The following SPPL3 variants were observed in gnomAD, a reference collection of about 807,000 sequenced individuals.
SPPL3 encodes the protein signal peptide peptidase-like 3.
In SPPL3, 5 loss-of-function variants were observed where a neutral mutation model predicts 42.4. That is an observed-to-expected ratio of 0.12 (90% CI 0.06 to 0.25). The LOEUF is 0.25. Ranked by LOEUF, SPPL3 falls within the 10% of genes least tolerant of loss-of-function variation. The probability of loss-of-function intolerance (pLI) is 1.00; values close to 1 mark genes in which losing one functional copy is unlikely to be tolerated. For synonymous variants in SPPL3, 195 were observed against 181.8 expected, an observed-to-expected ratio of 1.07 and a Z score of -0.58; for missense variants, 235 against 489.0, an observed-to-expected ratio of 0.48 and a Z score of 4.90.
intron 2 of SPPL3, among the ~76,000 whole-genome samples, chr12:120,792,182 A>G (rs1869939128): frequency 6.6e-6 from 1 of 152,182 alleles, no homozygotes; most frequent in South Asian, 2.1e-4. Flanking sequence ...AGGGTTTGAA[A>G]TTTTAGACAG....
Position 120,901,797 on chromosome 12 carries a change from T to C in SPPL3, c.23+2048A>G, listed in dbSNP as rs1004319164. 6 of 699,574 alleles carry C rather than the reference T, an allele frequency of 8.6e-6. No homozygotes were observed. In the African/African-American group the frequency reaches 9.7e-5, roughly 11 times the overall value. The allele number at this position is 699,574 out of a possible 1,614,324, so 43.3% of individuals were successfully genotyped here. A position where few individuals can be genotyped will look rare whatever the true frequency, so the allele number is the denominator to read the frequency against. On this transcript the variant is annotated intron_variant, in intron 1 of 10. Transcript: ENST00000353487. ...GAAGTATTTTAGTAGAATAAATTTGTAAATTGTCAAACTTCACAAAGTAAT... is the reference window on the plus strand; with the variant it reads ...GAAGTATTTTAGTAGAATAAATTTGCAAATTGTCAAACTTCACAAAGTAAT...
chr12:120,776,325 T>TG (rs1036582490), intron 6 of SPPL3, among the ~76,000 whole-genome samples: 1 of 152,166 alleles, frequency 6.6e-6, no homozygotes, highest in Non-Finnish European at 1.5e-5. Context: ...TAGCGGCCAC[T>TG]GGGGAAAAAA....
intron 1 of SPPL3, among the ~76,000 whole-genome samples, chr12:120,812,373 C>T (rs575470707): frequency 5.9e-5 from 9 of 152,254 alleles, no homozygotes; most frequent in African/African-American, 2.2e-4. Context: ...CTCAAGCAAT[C>T]CACCCACCTT....
At chr12:120,809,042 C>T (rs545214203) in intron 2 of SPPL3, among the ~76,000 whole-genome samples, 2 of 152,266 alleles carry the variant, frequency 1.3e-5, no homozygotes, top group South Asian at 4.1e-4. Context: ...TCTCAGTAGA[C>T]ATCTCAGTGA....
intron 3 of SPPL3, among the ~76,000 whole-genome samples, chr12:120,788,568 T>G (rs1869799129): frequency 1.3e-5 from 2 of 152,296 alleles, no homozygotes; most frequent in Non-Finnish European, 1.5e-5. Flanking sequence ...AGTCAAATCA[T>G]TTCTGACATA....
chr12:120,800,047 C>G (rs866899468), intron 2 of SPPL3, among the ~76,000 whole-genome samples: 1 of 152,196 alleles, frequency 6.6e-6, no homozygotes, highest in Admixed American at 6.5e-5. Context: ...TAGAACAGTT[C>G]GCTGCATCTT....
At chr12:120,796,163 G>A (rs1012266505) in intron 2 of SPPL3, among the ~76,000 whole-genome samples, 5 of 152,042 alleles carry the variant, frequency 3.3e-5, no homozygotes, top group African/African-American at 7.2e-5. Flanking sequence ...ATCACTTGAC[G>A]ACAGGAGTTT....
At chr12:120,796,302 G>A (rs1870095466) in intron 2 of SPPL3, among the ~76,000 whole-genome samples, 1 of 152,154 alleles carries the variant, frequency 6.6e-6, no homozygotes, top group Non-Finnish European at 1.5e-5. Flanking sequence ...CTTGAACCCG[G>A]AAGGCAGAGG....
intron 2 of SPPL3, among the ~76,000 whole-genome samples, chr12:120,802,106 C>T (rs1283033248): frequency 2.6e-5 from 4 of 152,042 alleles, no homozygotes; most frequent in Non-Finnish European, 5.9e-5. Context: ...ATCAACTACT[C>T]ATTTCTTTAT....
intron 1 of SPPL3, among the ~76,000 whole-genome samples, chr12:120,843,594 G>A (rs1287980288): frequency 6.6e-6 from 1 of 152,126 alleles, no homozygotes; most frequent in African/African-American, 2.4e-5. Context: ...AGGGCACTAG[G>A]TGTACTCCTC....
intron 1 of SPPL3, among the ~76,000 whole-genome samples, chr12:120,866,427 A>G (rs1372943748): frequency 6.6e-6 from 1 of 152,220 alleles, no homozygotes; most frequent in African/African-American, 2.4e-5. Context: ...CTCTAGAGAG[A>G]ACATTATATT....
chr12:120,890,884 C>T (rs114561470), intron 1 of SPPL3, among the ~76,000 whole-genome samples: 2,617 of 152,248 alleles, frequency 0.017, 85 homozygotes, highest in African/African-American at 0.059. Flanking sequence ...AGCCGAAACC[C>T]GATGCTCTCA....
chr12:120,860,011 C>T (rs916377494), intron 1 of SPPL3, among the ~76,000 whole-genome samples: 7 of 152,132 alleles, frequency 4.6e-5, no homozygotes, highest in East Asian at 1.9e-4. Context: ...GAGGCCAAGG[C>T]GCAGGGACTG....
intron 3 of SPPL3, among the ~76,000 whole-genome samples, 168 bp from the exon 4 acceptor site, chr12:120,784,761 C>T (rs1269526513): frequency 1.3e-5 from 2 of 152,028 alleles, no homozygotes; most frequent in Non-Finnish European, 2.9e-5. Context: ...ATTATGAGCT[C>T]CTTGTTCTCT....
intron 1 of SPPL3, among the ~76,000 whole-genome samples, chr12:120,834,953 A>G (rs1346215447): frequency 6.6e-6 from 1 of 152,230 alleles, no homozygotes; most frequent in Non-Finnish European, 1.5e-5. Context: ...GATGGAAGAA[A>G]AACAGTACAA....
intron 6 of SPPL3, among the ~76,000 whole-genome samples, chr12:120,772,311 C>T (rs574860848): frequency 3.3e-5 from 5 of 152,180 alleles, no homozygotes; most frequent in South Asian, 2.1e-4. Flanking sequence ...CATGAGCCAC[C>T]GCGCCCGGCC....
At chr12:120,767,724 T>C in intron 8 of SPPL3, 131 bp from the exon 9 acceptor site, 1 of 915,954 alleles carries the variant, frequency 1.1e-6, no homozygotes, top group Non-Finnish European at 1.6e-6. Context: ...TCTCTTCTGA[T>C]GGAACATTAG....
At chr12:120,784,100 C>G (rs1421065085) in intron 4 of SPPL3, 2 of 256,192 alleles carry the variant, frequency 7.8e-6, no homozygotes, top group Non-Finnish European at 1.5e-5. Flanking sequence ...GATTAGCTAT[C>G]CATGTTTCTA....
rs567062562 is a variant in SPPL3 at position 120,771,842 on chromosome 12, T to C, written c.503-2783A>G. On this transcript the variant is annotated intron_variant, in intron 6 of 10. Coordinates refer to ENST00000353487, the MANE Select transcript of SPPL3 (RefSeq NM_139015.5). ...CCCTCAACACGCATTCCTGTGGCTC[T>C]GTTTTCTAGACAGTTCAACACAATT... Among the ~76,000 whole-genome samples, 12 of 152,352 alleles carry C rather than the reference T, an allele frequency of 7.9e-5. No homozygotes were observed. In the South Asian group the frequency reaches 1.7e-3, roughly 21 times the overall value.
Sources: gnomAD v4.1 joint callset for allele counts (sites outside exome capture counted in the v4.1 genomes callset) on GRCh38, gnomAD v4.1.1 for gene constraint, MANE v1.5 for transcripts, NCBI Gene and HGNC (gene_info 2026-07-23, HGNC 2026-07-21) for gene names.